KCNH8: variants seen among roughly 807,000 people sequenced by gnomAD.
KCNH8 encodes the protein potassium voltage-gated channel subfamily H member 8.
A neutral mutation model predicts 103.6 loss-of-function variants in KCNH8; 70 were observed. The ratio of observed to expected loss-of-function variants is 0.68; its 90% confidence interval spans 0.56 to 0.82. KCNH8 has a LOEUF of 0.82. KCNH8 is among the 40% of genes least tolerant of loss of function. KCNH8 has a pLI of 0.00. For missense variants in KCNH8, 1,217 were observed against 1,329.9 expected (o/e 0.92, Z 1.32); for synonymous variants, 498 against 489.4 (o/e 1.02, Z -0.23).
chr3:19,473,903 G>C (rs369892609), intron 11 of KCNH8, among the ~76,000 whole-genome samples: 1 of 152,068 alleles, frequency 6.6e-6, no homozygotes, highest in African/African-American at 2.4e-5. Flanking sequence ...GGATATGTTA[G>C]GACTTTTTAA....
intron 3 of KCNH8, among the ~76,000 whole-genome samples, chr3:19,326,476 G>A (rs964972609): frequency 6.6e-6 from 1 of 151,190 alleles, no homozygotes; most frequent in African/African-American, 2.4e-5. Flanking sequence ...AAGTGTCTCT[G>A]GTACTTTTTA....
chr3:19,272,960 A>G (rs2064610815), intron 2 of KCNH8, among the ~76,000 whole-genome samples: 1 of 152,198 alleles, frequency 6.6e-6, no homozygotes, highest in Non-Finnish European at 1.5e-5. Flanking sequence ...CAAACAGTTA[A>G]CAATAGTGCC....
chr3:19,407,604 A>C (rs912754867), intron 7 of KCNH8, among the ~76,000 whole-genome samples: 1 of 151,996 alleles, frequency 6.6e-6, no homozygotes, highest in Non-Finnish European at 1.5e-5. Flanking sequence ...CTGATTCAAC[A>C]GCCCGACCTG....
intron 3 of KCNH8, among the ~76,000 whole-genome samples, chr3:19,321,889 T>G (rs2065355072): frequency 6.6e-6 from 1 of 152,062 alleles, no homozygotes; most frequent in Admixed American, 6.6e-5. Context: ...TATTTAGGAT[T>G]GTGATATTTT....
intron 15 of KCNH8, among the ~76,000 whole-genome samples, chr3:19,524,678 G>T (rs564616259): frequency 6.6e-6 from 1 of 151,928 alleles, no homozygotes; most frequent in South Asian, 2.1e-4. Context: ...GGTTGTTTTC[G>T]TCCTCTTTGC....
intron 11 of KCNH8, among the ~76,000 whole-genome samples, chr3:19,508,731 G>C (rs561650969): frequency 1.8e-4 from 27 of 152,246 alleles, no homozygotes; most frequent in African/African-American, 5.5e-4. Flanking sequence ...CCCCACCTCA[G>C]ACCTCCCATG....
intron 8 of KCNH8, among the ~76,000 whole-genome samples, chr3:19,444,039 C>T (rs1249724892): frequency 6.6e-6 from 1 of 151,852 alleles, no homozygotes; most frequent in Non-Finnish European, 1.5e-5. Context: ...TGAAAATTGA[C>T]AAGTTGTTTC....
At chr3:19,379,745 A>T (rs528313277) in intron 5 of KCNH8, among the ~76,000 whole-genome samples, 1 of 152,320 alleles carries the variant, frequency 6.6e-6, no homozygotes, top group African/African-American at 2.4e-5. Flanking sequence ...CATTTGCATT[A>T]CTCAATTTTT....
intron 3 of KCNH8, among the ~76,000 whole-genome samples, chr3:19,296,195 ATAT>A (rs1415201240): frequency 3.3e-5 from 5 of 152,344 alleles, no homozygotes; most frequent in South Asian, 4.1e-4. Flanking sequence ...CAGTCTTGTA[ATAT>A]TATATAGCAT....
At chr3:19,352,065 A>G (rs1300089359) in intron 5 of KCNH8, among the ~76,000 whole-genome samples, 1 of 152,106 alleles carries the variant, frequency 6.6e-6, no homozygotes, top group East Asian at 1.9e-4. Context: ...ATGGAAAACA[A>G]AAAAAAGCAG....
intron 11 of KCNH8, among the ~76,000 whole-genome samples, chr3:19,464,636 G>T (rs2067699061): frequency 6.6e-6 from 1 of 152,070 alleles, no homozygotes; most frequent in African/African-American, 2.4e-5. Flanking sequence ...ATTTGAAAAA[G>T]AAAGAATATC....
intron 8 of KCNH8, among the ~76,000 whole-genome samples, chr3:19,439,927 T>A (rs1461192680): frequency 6.9e-6 from 1 of 145,940 alleles, no homozygotes; most frequent in African/African-American, 2.5e-5. Context: ...GAAGAAAAAG[T>A]GGAGAGAAAA....
intron 5 of KCNH8, among the ~76,000 whole-genome samples, chr3:19,370,661 A>C (rs2066076654): frequency 6.6e-6 from 1 of 152,068 alleles, no homozygotes. Context: ...CACATTGTGC[A>C]GGTTATTTAC....
intron 7 of KCNH8, among the ~76,000 whole-genome samples, chr3:19,436,365 T>A (rs959836630): frequency 6.6e-6 from 1 of 152,158 alleles, no homozygotes; most frequent in Non-Finnish European, 1.5e-5. Flanking sequence ...CATAAAAAAA[T>A]GATTGGATTC....
chr3:19,269,846 C>T (rs2064563408), intron 2 of KCNH8, among the ~76,000 whole-genome samples: 1 of 152,066 alleles, frequency 6.6e-6, no homozygotes, highest in Non-Finnish European at 1.5e-5. Flanking sequence ...ATTATATGCT[C>T]AATATCAAAC....
intron 11 of KCNH8, among the ~76,000 whole-genome samples, chr3:19,491,586 C>A (rs989795288): frequency 6.6e-6 from 1 of 152,150 alleles, no homozygotes; most frequent in Non-Finnish European, 1.5e-5. Context: ...ATCCAATCCA[C>A]CACTGACGGT....
At chr3:19,383,267 T>C (rs1406111645) in intron 5 of KCNH8, among the ~76,000 whole-genome samples, 1 of 152,242 alleles carries the variant, frequency 6.6e-6, no homozygotes, top group Admixed American at 6.5e-5. Context: ...ATAAGAGATA[T>C]TATTTAACCT....
At chr3:19,206,673 G>A (rs563095078) in intron 1 of KCNH8, among the ~76,000 whole-genome samples, 22 of 151,940 alleles carry the variant, frequency 1.4e-4, no homozygotes, top group Non-Finnish European at 2.9e-4. Flanking sequence ...GTAGATAAGA[G>A]TAGCATTACC....
At chr3:19,211,609 AT>A (rs2063772232) in intron 1 of KCNH8, among the ~76,000 whole-genome samples, 1 of 152,166 alleles carries the variant, frequency 6.6e-6, no homozygotes, top group Admixed American at 6.5e-5. Context: ...CCTCAGTCTG[AT>A]ATTTTAACTC....
Sources: allele counts gnomAD v4.1 joint callset (sites outside exome capture counted in the v4.1 genomes callset), GRCh38; gene constraint gnomAD v4.1.1; transcripts MANE v1.5; gene names NCBI Gene and HGNC (gene_info 2026-07-23, HGNC 2026-07-21).